Variants in ANK3 observed in about 807,000 individuals in gnomAD.
ANK3 encodes the protein ankyrin 3, also known as ankyrin-3.
Under a neutral mutation model 370.9 loss-of-function variants are expected in ANK3, and 57 were observed. The observed-to-expected ratio is 0.15, with a 90% CI of 0.12 to 0.19. The LOEUF (loss-of-function observed/expected upper bound fraction) is 0.19, where lower values mean the gene tolerates loss of function less well. ANK3 is among the 10% of genes least tolerant of loss of function. The pLI is 1.00. For synonymous variants in ANK3, 1,929 were observed against 1,946.3 expected (o/e 0.99, Z 0.23); for missense variants, 4,439 against 5,302.1 (o/e 0.84, Z 5.06).
At chr10:60,199,358 T>C (rs1396455666) in intron 13 of ANK3, among the ~76,000 whole-genome samples, 4 of 152,056 alleles carry the variant, frequency 2.6e-5, no homozygotes, top group Non-Finnish European at 5.9e-5. Context: ...AGGGTCAATG[T>C]CAAAGTAAGA....
chr10:60,565,272 C>T (rs2077431023), intron 2 of ANK3, among the ~76,000 whole-genome samples: 2 of 152,166 alleles, frequency 1.3e-5, no homozygotes, highest in Admixed American at 1.3e-4. Flanking sequence ...ATTAGATTCT[C>T]ATAAGGAGTG....
intron 5 of ANK3, 37 bp downstream of exon 5, chr10:60,270,094 A>T: frequency 2.1e-6 from 3 of 1,408,044 alleles, no homozygotes; most frequent in Non-Finnish European, 2.9e-6. Context: ...CCCTATAAAT[A>T]CGTGAACTCA....
intron 1 of ANK3, among the ~76,000 whole-genome samples, chr10:60,685,983 T>C (rs1226018592): frequency 6.6e-6 from 1 of 152,152 alleles, no homozygotes; most frequent in Non-Finnish European, 1.5e-5. Context: ...TTAGTAAAAC[T>C]TTTCTCACAG....
rs764307852 is a variant in ANK3 at position 60,069,618 on chromosome 10, A to G, written c.11263T>C (p.Leu3755=). 1 of 1,614,028 alleles carries G rather than the reference A, an allele frequency of 6.2e-7. No individual in the cohort carries two copies. The highest frequency in any genetic ancestry group is 8.5e-7 in the Non-Finnish European group (1 of 1,179,984). ...IEAVMTSCQG[L]ENETITMISN... is the part of the protein sequence containing the mutation. ...ATCATTGTTATAGTTTCATTTTCTA[A>G]TCCCTGACAACTGGTCATCACCGCT... is the stretch of plus-strand genomic sequence containing the variant. Residue 3755 remains leucine, a synonymous_variant, in exon 37 of 44, where the codon TTA becomes CTA. Transcript: ENST00000280772.
At chr10:60,666,089 C>A (rs1431714530) in intron 1 of ANK3, among the ~76,000 whole-genome samples, 1 of 152,142 alleles carries the variant, frequency 6.6e-6, no homozygotes, top group Non-Finnish European at 1.5e-5. Context: ...AAAGCAGGAT[C>A]TCAAAGAGAT....
At chr10:60,490,183 G>A (rs2075456671) in intron 2 of ANK3, among the ~76,000 whole-genome samples, 3 of 152,132 alleles carry the variant, frequency 2.0e-5, no homozygotes. Context: ...ATTATTCAAA[G>A]CATGAATGTC....
intron 7 of ANK3, among the ~76,000 whole-genome samples, chr10:60,239,248 C>T (rs1342005241): frequency 6.6e-6 from 1 of 152,034 alleles, no homozygotes; most frequent in Non-Finnish European, 1.5e-5. Context: ...CAAGAATTTT[C>T]TTGGAGTGAT....
intron 1 of ANK3, among the ~76,000 whole-genome samples, chr10:60,356,431 T>C (rs908071016): frequency 5.9e-5 from 9 of 152,250 alleles, no homozygotes; most frequent in African/African-American, 2.2e-4. Flanking sequence ...CCAGAAGGTG[T>C]GGCATCTACT....
At chr10:60,321,819 T>G (rs1162422793) in intron 1 of ANK3, among the ~76,000 whole-genome samples, 2 of 152,330 alleles carry the variant, frequency 1.3e-5, no homozygotes, top group South Asian at 4.1e-4. Context: ...AACAGTACAT[T>G]TATTGACCCT....
At chr10:60,428,038 A>C (rs184039676) in intron 2 of ANK3, among the ~76,000 whole-genome samples, 42 of 152,284 alleles carry the variant, frequency 2.8e-4, no homozygotes, top group Non-Finnish European at 5.4e-4. Context: ...CAGAGCCCAC[A>C]TCAGCAGTAT....
intron 18 of ANK3, among the ~76,000 whole-genome samples, chr10:60,173,502 G>A (rs1246536560): frequency 2.0e-5 from 3 of 152,210 alleles, no homozygotes; most frequent in African/African-American, 4.8e-5. Context: ...TGATTCAGTG[G>A]CTTCTTATTC....
intron 7 of ANK3, among the ~76,000 whole-genome samples, chr10:60,249,187 G>T (rs76784575): frequency 3.3e-5 from 5 of 152,140 alleles, no homozygotes; most frequent in African/African-American, 1.2e-4. Flanking sequence ...ATGGAAAGGG[G>T]CATTTAAAAC....
intron 1 of ANK3, among the ~76,000 whole-genome samples, chr10:60,632,653 GA>G (rs1369578866): frequency 6.6e-6 from 1 of 151,980 alleles, no homozygotes; most frequent in African/African-American, 2.4e-5. Flanking sequence ...TCAAGAAGCT[GA>G]AGCAGGAACA....
intron 1 of ANK3, among the ~76,000 whole-genome samples, chr10:60,377,950 GTTTCCTA>G (rs2061022315): frequency 6.6e-6 from 1 of 152,140 alleles, no homozygotes; most frequent in South Asian, 2.1e-4. Context: ...TTGCTAGCAG[GTTTCCTA>G]TCAATCCAAA....
chr10:60,714,541 G>A (rs1157061397), intron 1 of ANK3, among the ~76,000 whole-genome samples: 1 of 152,088 alleles, frequency 6.6e-6, no homozygotes, highest in African/African-American at 2.4e-5. Flanking sequence ...TCTTGACCAA[G>A]TAAGATTTAT....
chr10:60,489,877 T>C (rs1379022947), intron 2 of ANK3, among the ~76,000 whole-genome samples: 4 of 152,222 alleles, frequency 2.6e-5, no homozygotes, highest in African/African-American at 7.2e-5. Flanking sequence ...AATCTGAAGC[T>C]ATGCTCATAT....
At chr10:60,210,680 G>A (rs927282392) in intron 9 of ANK3, among the ~76,000 whole-genome samples, 1 of 152,156 alleles carries the variant, frequency 6.6e-6, no homozygotes, top group Non-Finnish European at 1.5e-5. Context: ...ATCTAGAAGG[G>A]CACACATGTG....
At chr10:60,331,434 C>T (rs950314176) in intron 1 of ANK3, among the ~76,000 whole-genome samples, 1 of 151,724 alleles carries the variant, frequency 6.6e-6, no homozygotes, top group Non-Finnish European at 1.5e-5. Flanking sequence ...CAAAATGAAA[C>T]AGTGTTTTTC....
rs573907163 is a variant in ANK3, at chr10:60,262,345, A to G, written c.700-388T>C. Among the ~76,000 whole-genome samples the G allele has an allele frequency of 2.2e-4, 33 of 152,352 alleles. 1 individual carries two copies. In the South Asian group the frequency reaches 6.8e-3, roughly 32 times the overall value. On this transcript the variant is annotated intron_variant, in intron 6 of 43. Coordinates refer to ENST00000280772, the MANE Select transcript of ANK3 (RefSeq NM_020987.5). ...GAAACTCAAAATTCAATTAGTTTAT[A>G]TATTTGATATAGATTCATATTACTG...
Sources: gnomAD v4.1 joint callset for allele counts (sites outside exome capture counted in the v4.1 genomes callset) on GRCh38, gnomAD v4.1.1 for gene constraint, MANE v1.5 for transcripts, NCBI Gene and HGNC (gene_info 2026-07-23, HGNC 2026-07-21) for gene names.